SLC9A9: variants seen among roughly 807,000 people sequenced by gnomAD.
SLC9A9 encodes the protein sodium/hydrogen exchanger 9.
In SLC9A9, 62 loss-of-function variants were observed where a neutral mutation model predicts 77.8. The observed-to-expected ratio is 0.80, with a 90% CI of 0.65 to 0.98. The LOEUF (loss-of-function observed/expected upper bound fraction) is 0.98, where lower values mean the gene tolerates loss of function less well. Ranked by LOEUF, SLC9A9 falls within the 50% of genes least tolerant of loss-of-function variation. The pLI, the probability that SLC9A9 is intolerant of heterozygous loss-of-function variation, is 0.00. For synonymous variants in SLC9A9, 320 were observed against 283.5 expected (o/e 1.13, Z -1.29); for missense variants, 775 against 774.9 (o/e 1.00, Z 0.00).
chr3:143,720,474 G>A (rs903051096), intron 4 of SLC9A9, among the ~76,000 whole-genome samples: 2 of 152,090 alleles, frequency 1.3e-5, no homozygotes, highest in Non-Finnish European at 2.9e-5. Flanking sequence ...CAATGCCTCC[G>A]GCCTCACTTG....
chr3:143,790,229 TGTGA>T (rs756651194), intron 4 of SLC9A9, among the ~76,000 whole-genome samples: 4 of 152,216 alleles, frequency 2.6e-5, no homozygotes, highest in African/African-American at 7.2e-5. Flanking sequence ...CATGCGGAAC[TGTGA>T]GTCAATTAAA....
chr3:143,848,332 T>G lies in SLC9A9; in HGVS notation c.-10A>C. The G allele has an allele frequency of 6.2e-7, 1 of 1,613,884 alleles. No individual in the cohort carries two copies. Among genetic ancestry groups the G allele is most frequent in the Non-Finnish European group, 8.5e-7 (1 of 1,179,798 alleles). ...TTGACTGTCTCTCCATTCCCCAGTC[T>G]TCTTGGGATTCCTTAGATAAAAACC... On this transcript the variant is annotated 5_prime_UTR_variant, in exon 1 of 16. Coordinates refer to ENST00000316549, the MANE Select transcript of SLC9A9 (RefSeq NM_173653.4).
intron 14 of SLC9A9, among the ~76,000 whole-genome samples, chr3:143,278,779 C>G (rs1578257038): frequency 6.6e-6 from 1 of 152,092 alleles, no homozygotes; most frequent in South Asian, 2.1e-4. Context: ...CTTCAACATG[C>G]CTTTGTTGGA....
intron 14 of SLC9A9, among the ~76,000 whole-genome samples, chr3:143,299,520 T>G (rs1290326431): frequency 6.6e-6 from 1 of 151,988 alleles, no homozygotes; most frequent in Non-Finnish European, 1.5e-5. Context: ...CTTGGCTCAC[T>G]GCAACCTCCG....
chr3:143,591,920 C>T (rs750363908), intron 6 of SLC9A9, among the ~76,000 whole-genome samples: 2 of 152,196 alleles, frequency 1.3e-5, no homozygotes, highest in Non-Finnish European at 2.9e-5. Context: ...AGCAGGTAAA[C>T]AAGCTATCAG....
intron 11 of SLC9A9, among the ~76,000 whole-genome samples, chr3:143,486,874 G>A (rs1473905907): frequency 3.3e-5 from 5 of 151,980 alleles, no homozygotes; most frequent in African/African-American, 1.2e-4. Context: ...TGAGGGACAA[G>A]AATGCTGTAA....
At chr3:143,370,594 CA>C (rs1559886429) in intron 13 of SLC9A9, among the ~76,000 whole-genome samples, 5 of 151,888 alleles carry the variant, frequency 3.3e-5, no homozygotes, top group African/African-American at 1.2e-4. Flanking sequence ...CACACACACA[CA>C]CACACACCCT....
intron 2 of SLC9A9, among the ~76,000 whole-genome samples, chr3:143,810,591 T>C (rs748020947): frequency 4.6e-5 from 7 of 152,236 alleles, no homozygotes; most frequent in Non-Finnish European, 8.8e-5. Context: ...TGGATATATA[T>C]GCATGGGCAA....
chr3:143,642,766 C>T (rs891070488), intron 6 of SLC9A9, among the ~76,000 whole-genome samples: 11 of 152,144 alleles, frequency 7.2e-5, no homozygotes, highest in African/African-American at 2.7e-4. Context: ...ACATGCTGGG[C>T]CATTTGCCAA....
intron 9 of SLC9A9, among the ~76,000 whole-genome samples, chr3:143,532,242 C>G (rs1183501383): frequency 6.6e-6 from 1 of 152,138 alleles, no homozygotes; most frequent in African/African-American, 2.4e-5. Flanking sequence ...ATTTGTAGTG[C>G]AAGCTGATTC....
At chr3:143,304,010 C>CAT (rs1429329779) in intron 14 of SLC9A9, among the ~76,000 whole-genome samples, 2 of 152,056 alleles carry the variant, frequency 1.3e-5, no homozygotes, top group African/African-American at 4.8e-5. Flanking sequence ...TTCCAGAAAA[C>CAT]ATATATATAC....
chr3:143,533,988 T>C (rs1454156788), intron 9 of SLC9A9, among the ~76,000 whole-genome samples: 1 of 152,216 alleles, frequency 6.6e-6, no homozygotes, highest in Non-Finnish European at 1.5e-5. Flanking sequence ...TGGCAAATGC[T>C]TTTATTAAAG....
intron 4 of SLC9A9, among the ~76,000 whole-genome samples, chr3:143,737,896 T>G (rs1043359395): frequency 6.6e-6 from 1 of 152,214 alleles, no homozygotes; most frequent in African/African-American, 2.4e-5. Context: ...TTACTAAATA[T>G]GTAAGACGTG....
At chr3:143,514,557 C>T (rs572159575) in intron 9 of SLC9A9, among the ~76,000 whole-genome samples, 5 of 152,338 alleles carry the variant, frequency 3.3e-5, no homozygotes, top group African/African-American at 1.2e-4. Context: ...AGTGTAGCCA[C>T]CTTTATCAAT....
At chr3:143,498,628 A>C (rs948248911) in intron 9 of SLC9A9, among the ~76,000 whole-genome samples, 1 of 152,046 alleles carries the variant, frequency 6.6e-6, no homozygotes, top group Admixed American at 6.6e-5. Flanking sequence ...GTTTTTCTTG[A>C]GTTTAATCAC....
chr3:143,566,670 C>A (rs2037174773), intron 8 of SLC9A9, among the ~76,000 whole-genome samples: 1 of 152,064 alleles, frequency 6.6e-6, no homozygotes, highest in Non-Finnish European at 1.5e-5. Context: ...GCACTCTTCC[C>A]CCTCCTCTGC....
At chr3:143,547,639 C>T (rs912073611) in intron 9 of SLC9A9, among the ~76,000 whole-genome samples, 1 of 152,224 alleles carries the variant, frequency 6.6e-6, no homozygotes, top group Admixed American at 6.5e-5. Context: ...GGTTCTCCTG[C>T]CCCAGGGGGC....
intron 15 of SLC9A9, among the ~76,000 whole-genome samples, chr3:143,268,497 G>T (rs1366594513): frequency 6.6e-6 from 1 of 152,062 alleles, no homozygotes; most frequent in African/African-American, 2.4e-5. Flanking sequence ...ACTTTGGGAG[G>T]TCGAGGCAGG....
At chr3:143,815,552 A>ATTTTT (rs776946492) in intron 2 of SLC9A9, among the ~76,000 whole-genome samples, 2 of 150,726 alleles carry the variant, frequency 1.3e-5, no homozygotes, top group Non-Finnish European at 1.5e-5. Flanking sequence ...ATTTTAAAAA[A>ATTTTT]AAAAAAAGGT....
Sources: gnomAD v4.1 joint callset for allele counts (sites outside exome capture counted in the v4.1 genomes callset) on GRCh38, gnomAD v4.1.1 for gene constraint, MANE v1.5 for transcripts, NCBI Gene and HGNC (gene_info 2026-07-23, HGNC 2026-07-21) for gene names.